Variants in FLACC1 observed in about 807,000 individuals in gnomAD.
The protein encoded by FLACC1 is flagellum associated containing coiled-coil domains 1.
A neutral mutation model predicts 62.8 loss-of-function variants in FLACC1; 66 were observed. The observed-to-expected ratio is 1.05, with a 90% CI of 0.86 to 1.29. The LOEUF is 1.29. Ranked by LOEUF, FLACC1 falls within the 50% of genes most tolerant of loss-of-function variation. The pLI is 0.00. For synonymous variants in FLACC1, 156 were observed against 161.0 expected, an observed-to-expected ratio of 0.97 and a Z score of 0.24; for missense variants, 452 against 489.1, an observed-to-expected ratio of 0.92 and a Z score of 0.71.
At chr2:201,308,491 T>C (rs1950151745) in intron 10 of FLACC1, among the ~76,000 whole-genome samples, 1 of 152,134 alleles carries the variant, frequency 6.6e-6, no homozygotes, top group East Asian at 1.9e-4. Context: ...GAAATAAATG[T>C]GGTTGGCGTG....
Position 201,342,387 on chromosome 2 carries a change from G to C in FLACC1, c.507C>G (p.Asn169Lys). The C allele has an allele frequency of 1.2e-6, 2 of 1,614,214 alleles. No individual in the cohort carries two copies. The highest frequency in any genetic ancestry group is 1.7e-6 in the Non-Finnish European group (2 of 1,180,036). ...MDLRCAEMKQ[N>K]FENKNRELKE... is the part of the protein sequence containing the mutation. ...AAGTGTACCTGTTCTTGTTTTCAAA[G>C]TTCTGTTTCATCTCAGCACAGCGGA... is the stretch of plus-strand genomic sequence containing the variant. Residue 169 changes from asparagine to lysine, a missense_variant, in exon 7 of 15, where the codon AAC becomes AAG. Around this residue, in one of 3 missense-constraint regions of FLACC1, gnomAD observed 301 missense variants for 318.4 expected, o/e 0.95. Coordinates refer to ENST00000392257, the MANE Select transcript of FLACC1 (RefSeq NM_001127391.3).
At chr2:201,340,350 T>C (rs1950782164) in intron 7 of FLACC1, among the ~76,000 whole-genome samples, 1 of 152,200 alleles carries the variant, frequency 6.6e-6, no homozygotes, top group African/African-American at 2.4e-5. Context: ...TGATGTTTTT[T>C]GTAGTGTATG....
intron 7 of FLACC1, among the ~76,000 whole-genome samples, chr2:201,341,370 TACA>T (rs891210370): frequency 3.9e-4 from 56 of 145,380 alleles, no homozygotes; most frequent in African/African-American, 1.3e-3. Flanking sequence ...ATTTGAGGTA[TACA>T]ACATGATGTC....
chr2:201,363,829 G>T, the FLACC1 span, among the ~76,000 whole-genome samples: 1,388 of 152,328 alleles, frequency 9.1e-3, 29 homozygotes, highest in African/African-American at 0.032. Context: ...CCATCCCTTT[G>T]CAGGGAACTT....
rs754875664 is a variant in FLACC1 at position 201,288,740 on chromosome 2, C to T, written c.1184G>A (p.Cys395Tyr). 3.7e-6 allele frequency: 6 copies of T among 1,613,912 alleles called. No homozygotes were observed. In the African/African-American group the frequency reaches 5.3e-5, roughly 14 times the overall value. ...AGTAATAGAGGCCAATCTCCCAGAACATCCTTCACAAATTTCTTCATTCTT... is the reference window on the plus strand; with the variant it reads ...AGTAATAGAGGCCAATCTCCCAGAATATCCTTCACAAATTTCTTCATTCTT... Reference protein sequence around the residue: ...ISKNEEICEGCSGRLASITVS... With the variant: ...ISKNEEICEGYSGRLASITVS... The change falls in exon 15 of 15, where the codon TGT becomes TAT. Residue 395 changes from cysteine (C) to tyrosine (Y), a missense_variant. Cys to Tyr is a radical substitution (Grantham distance 194, BLOSUM62 -2). Transcript: ENST00000392257.
At chr2:201,305,490 T>C (rs1950084047) in intron 11 of FLACC1, among the ~76,000 whole-genome samples, 1 of 152,220 alleles carries the variant, frequency 6.6e-6, no homozygotes, top group South Asian at 2.1e-4. Flanking sequence ...TTGGTGGGAC[T>C]GTAAACTAGT....
intron 12 of FLACC1, among the ~76,000 whole-genome samples, chr2:201,291,056 G>A (rs572595029): frequency 5.3e-5 from 8 of 152,322 alleles, no homozygotes; most frequent in Non-Finnish European, 7.4e-5. Flanking sequence ...GGAGCCCACC[G>A]CAGCTCAAGG....
chr2:201,314,395 C>G (rs1950272716), intron 9 of FLACC1, among the ~76,000 whole-genome samples: 1 of 152,038 alleles, frequency 6.6e-6, no homozygotes, highest in Admixed American at 6.5e-5. Context: ...ATGCAAAATG[C>G]TCTGGTACGT....
intron 12 of FLACC1, among the ~76,000 whole-genome samples, chr2:201,296,723 A>G (rs1949873187): frequency 6.6e-6 from 1 of 152,194 alleles, no homozygotes; most frequent in African/African-American, 2.4e-5. Flanking sequence ...TATGGCTGGA[A>G]TAGAGATAGT....
At chr2:201,310,699 C>G (rs1331002915) in intron 9 of FLACC1, among the ~76,000 whole-genome samples, 1 of 152,078 alleles carries the variant, frequency 6.6e-6, no homozygotes, top group Non-Finnish European at 1.5e-5. Flanking sequence ...TTTTGGATGG[C>G]AATTTGGCCA....
At chr2:201,359,365 G>T (rs1274881229), upstream of FLACC1, among the ~76,000 whole-genome samples, 1 of 152,174 alleles carries the variant, frequency 6.6e-6, no homozygotes, top group Non-Finnish European at 1.5e-5. Context: ...GAAGTTCAGA[G>T]GAAGATTCTG....
upstream of FLACC1, among the ~76,000 whole-genome samples, chr2:201,358,443 G>T (rs1951151503): frequency 7.1e-6 from 1 of 140,008 alleles, no homozygotes; most frequent in African/African-American, 2.8e-5. Context: ...TTGAGACGGA[G>T]TCTCGCTCTG....
chr2:201,288,996 C>CTT (rs1478151935), intron 14 of FLACC1, among the ~76,000 whole-genome samples: 4 of 152,162 alleles, frequency 2.6e-5, no homozygotes, highest in African/African-American at 9.7e-5. Flanking sequence ...CAATAAATAA[C>CTT]TTTCTTCTAT....
At chr2:201,341,082 T>C (rs1950797989) in intron 7 of FLACC1, among the ~76,000 whole-genome samples, 1 of 152,170 alleles carries the variant, frequency 6.6e-6, no homozygotes, top group South Asian at 2.1e-4. Context: ...GGTGTACTCA[T>C]CTTTGAGTTT....
At chr2:201,335,127 T>C (rs1218195393) in intron 7 of FLACC1, among the ~76,000 whole-genome samples, 1 of 152,150 alleles carries the variant, frequency 6.6e-6, no homozygotes, top group Non-Finnish European at 1.5e-5. Flanking sequence ...TCATATCAGT[T>C]GTAATGTCTC....
intron 7 of FLACC1, among the ~76,000 whole-genome samples, chr2:201,339,086 CT>C (rs1950752985): frequency 1.3e-5 from 2 of 150,996 alleles, no homozygotes; most frequent in Admixed American, 1.3e-4. Flanking sequence ...CTGATTCAAC[CT>C]TGCTACTCAT....
At chr2:201,334,655 T>C (rs1950657888) in intron 7 of FLACC1, among the ~76,000 whole-genome samples, 1 of 151,924 alleles carries the variant, frequency 6.6e-6, no homozygotes, top group South Asian at 2.1e-4. Flanking sequence ...TGGTGGTGCA[T>C]GCCTGTAATC....
chr2:201,336,386 C>T (rs1950696980), intron 7 of FLACC1, among the ~76,000 whole-genome samples: 4 of 152,184 alleles, frequency 2.6e-5, no homozygotes, highest in Admixed American at 2.6e-4. Flanking sequence ...ATATATACCA[C>T]ATTTTCTTTA....
chr2:201,297,057 G>A (rs986694486), intron 12 of FLACC1, among the ~76,000 whole-genome samples: 3 of 152,152 alleles, frequency 2.0e-5, no homozygotes, highest in Non-Finnish European at 4.4e-5. Context: ...TTGGGAGAGT[G>A]AAAGGAAAGA....
Sources: allele counts gnomAD v4.1 joint callset (sites outside exome capture counted in the v4.1 genomes callset), GRCh38; gene constraint gnomAD v4.1.1; regional missense constraint gnomAD v4.1.1; transcripts MANE v1.5; gene names NCBI Gene and HGNC (gene_info 2026-07-23, HGNC 2026-07-21).